KIAA0586: variants seen among roughly 807,000 people sequenced by gnomAD.
KIAA0586 encodes KIAA0586.
In KIAA0586, 144 loss-of-function variants were observed where a neutral mutation model predicts 169.8. That is an observed-to-expected ratio of 0.85 (90% confidence interval 0.74 to 0.97). The LOEUF (loss-of-function observed/expected upper bound fraction) is 0.97, where lower values mean the gene tolerates loss of function less well. Ranked by LOEUF, KIAA0586 falls within the 50% of genes least tolerant of loss-of-function variation. The probability of loss-of-function intolerance (pLI) is 0.00; values close to 1 mark genes in which losing one functional copy is unlikely to be tolerated. For synonymous variants in KIAA0586, 625 were observed against 612.4 expected (o/e 1.02, Z -0.30); for missense variants, 1,854 against 1,823.0 (o/e 1.02, Z -0.31).
At chr14:58,428,935 G>A (rs545980636) in intron 1 of KIAA0586, among the ~76,000 whole-genome samples, 2 of 152,190 alleles carry the variant, frequency 1.3e-5, no homozygotes, top group African/African-American at 4.8e-5. Context: ...TACCCACTTC[G>A]CTGCTAATTG....
chr14:58,511,159 A>G (rs909106917), intron 28 of KIAA0586, among the ~76,000 whole-genome samples: 1 of 152,198 alleles, frequency 6.6e-6, no homozygotes, highest in African/African-American at 2.4e-5. Context: ...AACTTTAACA[A>G]TAAAAGAAAG....
chr14:58,516,880 C>T (rs570301423), intron 29 of KIAA0586, among the ~76,000 whole-genome samples: 13 of 152,026 alleles, frequency 8.6e-5, no homozygotes, highest in African/African-American at 1.9e-4. Context: ...ATGGGAAAGA[C>T]GATTCCATGG....
At chr14:58,520,473 T>C (rs2045123022) in intron 29 of KIAA0586, among the ~76,000 whole-genome samples, 1 of 152,000 alleles carries the variant, frequency 6.6e-6, no homozygotes, top group African/African-American at 2.4e-5. Flanking sequence ...TTGGCTTCTT[T>C]CACTTAACAT....
chr14:58,549,009 A>T lies in KIAA0586; in HGVS notation c.*1077A>T, dbSNP rs931496552. 2 of 152,138 alleles carry T rather than the reference A, an allele frequency of 1.3e-5. No individual in the cohort carries two copies. The highest frequency in any genetic ancestry group is 4.8e-5 in the African/African-American group (2 of 41,396). 9.4% of individuals were successfully genotyped at this position (152,138 alleles called of 1,614,324 possible). A position where few individuals can be genotyped will look rare whatever the true frequency, so the allele number is the denominator to read the frequency against. ...AGTGCCCAGCACAGTGCTTGATACC[A>T]TGTAAGTGCTCAATAAATGGTGTTG... On this transcript the variant is annotated 3_prime_UTR_variant, in exon 31 of 31. Coordinates refer to ENST00000652326, the MANE Select transcript of KIAA0586 (RefSeq NM_001329943.3).
At position 58,472,290 on chromosome 14, in the gene KIAA0586, T is replaced by C. The variant is rs759094043; in HGVS notation, c.2634+11T>C. ...ATCGATGTCATACAGGTAACAAAGC[T>C]TAGAAACCATGAGAAATTATTTTTC... On this transcript the variant is annotated intron_variant, in intron 18 of 30. Transcript: ENST00000652326. The C allele has an allele frequency of 3.1e-5, 46 of 1,461,638 alleles. No individual in the cohort carries two copies. The highest frequency in any genetic ancestry group is 9.2e-7 in the Non-Finnish European group (1 of 1,086,356). The allele number at this position is 1,461,638 out of a possible 1,614,324, so 90.5% of individuals were successfully genotyped here.
chr14:58,499,384 C>G (rs1420146081), intron 27 of KIAA0586, among the ~76,000 whole-genome samples: 4 of 151,872 alleles, frequency 2.6e-5, no homozygotes, highest in African/African-American at 9.7e-5. Flanking sequence ...TCCCGAGCAG[C>G]TGGGACTACA....
At chr14:58,443,000 A>C in intron 5 of KIAA0586, 120 bp downstream of exon 5, 1 of 697,604 alleles carries the variant, frequency 1.4e-6, no homozygotes, top group Non-Finnish European at 2.3e-6. Context: ...GTTGCTCTCA[A>C]TTTGAAAGAA....
In KIAA0586 at chr14:58,461,616, T is replaced by G. The variant is rs141827551; in HGVS notation, c.2059+456T>G. On this transcript the variant is annotated intron_variant, in intron 14 of 30. Coordinates refer to ENST00000652326, the MANE Select transcript of KIAA0586 (RefSeq NM_001329943.3). ...CGCCTGGCTAATTTTTTTGTATGTT[T>G]TATAGAGACAGGGTTTCACCACATT... Among the ~76,000 whole-genome samples the G allele has an allele frequency of 2.0e-3, 298 of 152,130 alleles. 1 individual carries two copies. Among genetic ancestry groups the G allele is most frequent in the African/African-American group, 6.9e-3 (287 of 41,502 alleles).
rs2038151662 is a variant in KIAA0586 at position 58,439,849 on chromosome 14, A to G, written c.411-2857A>G. 4.1e-6 allele frequency: 4 copies of G among 983,442 alleles called. 1 individual carries two copies. In the South Asian group the frequency reaches 1.9e-4, roughly 46 times the overall value. 60.9% of individuals were successfully genotyped at this position (983,442 alleles called of 1,614,324 possible). Reference sequence around the variant, plus strand: ...AGTCCAGCAGCTGGAGATGGAATGTATTCCTGCCAATTTTACTTAGACTCT... The same window carrying G: ...AGTCCAGCAGCTGGAGATGGAATGTGTTCCTGCCAATTTTACTTAGACTCT... On this transcript the variant is annotated intron_variant, in intron 4 of 30. Coordinates refer to ENST00000652326, the MANE Select transcript of KIAA0586 (RefSeq NM_001329943.3).
Position 58,548,090 on chromosome 14 carries a change from A to C in KIAA0586, c.*158A>C. The C allele has an allele frequency of 1.2e-6, 1 of 835,662 alleles. No individual in the cohort carries two copies. 51.8% of individuals were successfully genotyped at this position (835,662 alleles called of 1,614,324 possible). A position where few individuals can be genotyped will look rare whatever the true frequency, so the allele number is the denominator to read the frequency against. ...AACAAAAAGCATAATTTGGGTATTTAAAGTTTTTAAATAAAATAAGTATAA... is the reference window on the plus strand; with the variant it reads ...AACAAAAAGCATAATTTGGGTATTTCAAGTTTTTAAATAAAATAAGTATAA... On this transcript the variant is annotated 3_prime_UTR_variant, in exon 31 of 31. Coordinates refer to ENST00000652326, the MANE Select transcript of KIAA0586 (RefSeq NM_001329943.3).
rs1177258888 is a variant in KIAA0586 at position 58,466,099 on chromosome 14, A to G, written c.2254+70A>G. ...TTATTTGTTTGTTTGTGTGTTTATT[A>G]GAGACGGGGTTTCACTGTGTGGCTC... On this transcript the variant is annotated intron_variant, in intron 15 of 30. Transcript: ENST00000652326. 3 of 1,215,790 alleles carry G rather than the reference A, an allele frequency of 2.5e-6. No individual in the cohort carries two copies. The African/African-American group carries it at 4.5e-5, about 18-fold the overall frequency. 75.3% of individuals were successfully genotyped at this position (1,215,790 alleles called of 1,614,324 possible). A position where few individuals can be genotyped will look rare whatever the true frequency, so the allele number is the denominator to read the frequency against.
At chr14:58,559,020 A>G in the KIAA0586 span, among the ~76,000 whole-genome samples, 1 of 152,218 alleles carries the variant, frequency 6.6e-6, no homozygotes, top group Non-Finnish European at 1.5e-5. Context: ...TTCTTAAGCT[A>G]TAGTCCTAAG....
chr14:58,491,133 G>A (rs1245569948), intron 25 of KIAA0586, among the ~76,000 whole-genome samples: 1 of 152,138 alleles, frequency 6.6e-6, no homozygotes, highest in Non-Finnish European at 1.5e-5. Context: ...CGGCCTATTA[G>A]TGTACAATTA....
chr14:58,494,161 T>C (rs1429651905), intron 26 of KIAA0586, among the ~76,000 whole-genome samples: 2 of 151,882 alleles, frequency 1.3e-5, no homozygotes, highest in Non-Finnish European at 2.9e-5. Context: ...TTTCCAGATA[T>C]TGACACTTCT....
At chr14:58,526,056 C>T (rs1044965389) in intron 29 of KIAA0586, among the ~76,000 whole-genome samples, 51 of 152,202 alleles carry the variant, frequency 3.4e-4, no homozygotes, top group African/African-American at 1.2e-3. Context: ...GGCAGCAGCC[C>T]CAGTCAGGAG....
At chr14:58,440,185 T>C (rs775638475) in intron 4 of KIAA0586, 13 of 449,004 alleles carry the variant, frequency 2.9e-5, no homozygotes, top group Middle Eastern at 3.3e-4. Context: ...ACCCACCTAA[T>C]TCAGGCTTCT....
At chr14:58,480,498 A>G (rs561641888) in intron 20 of KIAA0586, among the ~76,000 whole-genome samples, 2 of 151,990 alleles carry the variant, frequency 1.3e-5, no homozygotes, top group Non-Finnish European at 2.9e-5. Context: ...GTGTCAGTTG[A>G]TGAACCCTAA....
At position 58,477,319 on chromosome 14, in the gene KIAA0586, G is replaced by C. The variant is rs980306902; in HGVS notation, c.2944+78G>C. On this transcript the variant is annotated intron_variant, in intron 20 of 30. Coordinates refer to ENST00000652326, the MANE Select transcript of KIAA0586 (RefSeq NM_001329943.3). ...TCATCGTGGATTTATATATTCCAGA[G>C]GTCAAGTAAATTCTCCAGTAACAAA... is the stretch of plus-strand genomic sequence containing the variant. 3.1e-5 allele frequency: 23 copies of C among 734,568 alleles called. No homozygotes were observed. The South Asian group carries it at 4.0e-4, about 13-fold the overall frequency. The allele number at this position is 734,568 out of a possible 1,614,324, so 45.5% of individuals were successfully genotyped here. A position where few individuals can be genotyped will look rare whatever the true frequency, so the allele number is the denominator to read the frequency against.
chr14:58,441,991 TAA>T (rs1882703211), intron 4 of KIAA0586: 2 of 152,228 alleles, frequency 1.3e-5, no homozygotes, highest in Admixed American at 1.3e-4. Flanking sequence ...GACTAGTCTT[TAA>T]AAAAATAATA....
Sources: gnomAD v4.1 joint callset for allele counts (sites outside exome capture counted in the v4.1 genomes callset) on GRCh38, gnomAD v4.1.1 for gene constraint, MANE v1.5 for transcripts, NCBI Gene and HGNC (gene_info 2026-07-23, HGNC 2026-07-21) for gene names.